CYTIP: variants seen among roughly 807,000 people sequenced by gnomAD.
The protein encoded by CYTIP is cytohesin 1 interacting protein, also known as cytohesin-interacting protein.
In CYTIP, 26 loss-of-function variants were observed where a neutral mutation model predicts 43.8. The observed-to-expected ratio is 0.59, with a 90% confidence interval of 0.44 to 0.82. The LOEUF is 0.82. Among genes scored for constraint, CYTIP ranks in the 40% least tolerant of loss-of-function variants. The probability of loss-of-function intolerance (pLI) is 0.00; values close to 1 mark genes in which losing one functional copy is unlikely to be tolerated. For synonymous variants in CYTIP, 162 were observed against 162.9 expected, an observed-to-expected ratio of 0.99 and a Z score of 0.04; for missense variants, 426 against 443.1, an observed-to-expected ratio of 0.96 and a Z score of 0.35.
At position 157,415,558 on chromosome 2, in the gene CYTIP, A is replaced by G. The variant is rs978307409; in HGVS notation, c.*119T>C. On this transcript the variant is annotated 3_prime_UTR_variant, in exon 8 of 8. Transcript: ENST00000264192. ...CACAACAATTTAAATAAAGGTCACTATTGCTGTGAAATGGGATGTCAGTTT... is the reference window on the plus strand; with the variant it reads ...CACAACAATTTAAATAAAGGTCACTGTTGCTGTGAAATGGGATGTCAGTTT... The G allele has an allele frequency of 1.5e-6, 1 of 669,112 alleles. No individual in the cohort carries two copies. Among genetic ancestry groups the G allele is most frequent in the Non-Finnish European group, 2.6e-6 (1 of 380,176 alleles). The allele number at this position is 669,112 out of a possible 1,614,324, so 41.4% of individuals were successfully genotyped here.
Position 157,429,222 on chromosome 2 carries a change from T to C in CYTIP, c.476+1337A>G, listed in dbSNP as rs1460703494. Among the ~76,000 whole-genome samples, 3 of 152,294 alleles carry C rather than the reference T, an allele frequency of 2.0e-5. No individual in the cohort carries two copies. In the East Asian group the frequency reaches 5.8e-4, roughly 29 times the overall value. ...CCCTCTCTAATCCATCAAATACCAA[T>C]TATACTGTCTTTTTCTCTTTCCCTT... On this transcript the variant is annotated intron_variant, in intron 5 of 7. Transcript: ENST00000264192.
At chr2:157,443,826 G>T (rs776950643) in intron 1 of CYTIP, 21 bp downstream of exon 1, 1 of 1,612,690 alleles carries the variant, frequency 6.2e-7, no homozygotes, top group African/African-American at 1.3e-5. Context: ...CACTCTAAAG[G>T]GTACAAAATA....
intron 6 of CYTIP, among the ~76,000 whole-genome samples, chr2:157,421,517 A>T (rs1298378248): frequency 2.0e-5 from 3 of 152,260 alleles, no homozygotes; most frequent in African/African-American, 7.2e-5. Flanking sequence ...ATTCAATGTA[A>T]CAAAATATTT....
At chr2:157,426,066 C>A (rs1161284781) in intron 6 of CYTIP, among the ~76,000 whole-genome samples, 1 of 151,618 alleles carries the variant, frequency 6.6e-6, no homozygotes, top group Non-Finnish European at 1.5e-5. Context: ...GGGAGTTCAA[C>A]AAAACTGGAT....
chr2:157,433,833 T>C (rs1422573594), intron 3 of CYTIP, among the ~76,000 whole-genome samples: 1 of 152,184 alleles, frequency 6.6e-6, no homozygotes, highest in Admixed American at 6.5e-5. Flanking sequence ...TTATAAAGCA[T>C]TGTCATTAGG....
At chr2:157,432,924 C>T (rs1685735715) in intron 3 of CYTIP, among the ~76,000 whole-genome samples, 1 of 152,152 alleles carries the variant, frequency 6.6e-6, no homozygotes. Flanking sequence ...ACTGAGATAA[C>T]ACCTACATGC....
intron 7 of CYTIP, among the ~76,000 whole-genome samples, chr2:157,418,116 G>A (rs933708238): frequency 6.6e-6 from 1 of 152,180 alleles, no homozygotes; most frequent in African/African-American, 2.4e-5. Flanking sequence ...AAAGACAGGA[G>A]CTCTACCCAA....
chr2:157,442,742 T>C (rs1163271017), intron 1 of CYTIP, among the ~76,000 whole-genome samples: 1 of 152,050 alleles, frequency 6.6e-6, no homozygotes. Context: ...CTCCGAAAAA[T>C]ACCAAGGAAT....
chr2:157,430,391 T>C (rs1414580019), intron 5 of CYTIP, among the ~76,000 whole-genome samples, 168 bp downstream of exon 5: 1 of 152,130 alleles, frequency 6.6e-6, no homozygotes, highest in Non-Finnish European at 1.5e-5. Context: ...GTGTGAGGAA[T>C]CTTGAGAAAC....
chr2:157,420,204 G>A (rs1436012821), intron 6 of CYTIP, among the ~76,000 whole-genome samples: 2 of 152,040 alleles, frequency 1.3e-5, no homozygotes, highest in African/African-American at 4.8e-5. Context: ...TGGGTATGGT[G>A]GTGCACACCA....
chr2:157,442,519 G>A (rs964468944), intron 1 of CYTIP, among the ~76,000 whole-genome samples: 3 of 151,802 alleles, frequency 2.0e-5, no homozygotes, highest in African/African-American at 7.3e-5. Flanking sequence ...ACCATAGTTG[G>A]TGTGATAGTG....
intron 6 of CYTIP, among the ~76,000 whole-genome samples, chr2:157,422,531 G>A (rs748387264): frequency 1.1e-4 from 16 of 151,842 alleles, no homozygotes; most frequent in Non-Finnish European, 2.1e-4. Context: ...TTAGCCAGGC[G>A]TGGTGGCAGG....
At chr2:157,422,589 G>C (rs911308983) in intron 6 of CYTIP, among the ~76,000 whole-genome samples, 13 of 150,736 alleles carry the variant, frequency 8.6e-5, no homozygotes, top group Non-Finnish European at 1.9e-4. Context: ...AGAATCCCTT[G>C]AACCCGGGAG....
chr2:157,429,920 G>A (rs1382349510), intron 5 of CYTIP, among the ~76,000 whole-genome samples: 2 of 151,964 alleles, frequency 1.3e-5, no homozygotes, highest in Non-Finnish European at 2.9e-5. Context: ...CTACTAGGGA[G>A]GCTGAGGCAG....
rs750876758 is a variant in CYTIP, at chr2:157,415,683, G to T, written c.1074C>A (p.Arg358=). The T allele has an allele frequency of 6.2e-7, 1 of 1,602,196 alleles. No homozygotes were observed. Among genetic ancestry groups the T allele is most frequent in the Non-Finnish European group, 8.5e-7 (1 of 1,172,154 alleles). The change falls in exon 8 of 8, where the codon CGC becomes CGA. Residue 358 remains arginine, a synonymous_variant. Coordinates refer to ENST00000264192, the MANE Select transcript of CYTIP (RefSeq NM_004288.5). ...LHRAVEEEES[R]F Reference sequence around the variant, plus strand: ...GAAAGGACACCACAATCCGTCAAAAGCGACTTTCTTCCTCTTCCACAGCAC... The same window carrying T: ...GAAAGGACACCACAATCCGTCAAAATCGACTTTCTTCCTCTTCCACAGCAC...
chr2:157,423,495 C>A (rs1272867464), intron 6 of CYTIP, among the ~76,000 whole-genome samples: 1 of 126,196 alleles, frequency 7.9e-6, no homozygotes, highest in African/African-American at 2.6e-5. Flanking sequence ...TGAGTAGTCT[C>A]ACAACTAATA....
chr2:157,438,693 CA>C (rs1685854777), intron 1 of CYTIP, among the ~76,000 whole-genome samples: 1 of 150,214 alleles, frequency 6.7e-6, no homozygotes. Flanking sequence ...TTTTAAAAAC[CA>C]AAAAATTTTA....
intron 7 of CYTIP, among the ~76,000 whole-genome samples, chr2:157,416,431 T>A (rs188239695): frequency 6.6e-6 from 1 of 152,146 alleles, no homozygotes; most frequent in Non-Finnish European, 1.5e-5. Context: ...TTCAGCCCAA[T>A]TGACAGTCTA....
intron 6 of CYTIP, 147 bp from the exon 7 acceptor site, chr2:157,418,736 T>G: frequency 1.5e-6 from 1 of 654,646 alleles, no homozygotes; most frequent in South Asian, 3.1e-5. Context: ...ATTTAAAATA[T>G]TTTTGCTGTA....
Sources: allele counts gnomAD v4.1 joint callset (sites outside exome capture counted in the v4.1 genomes callset), GRCh38; gene constraint gnomAD v4.1.1; transcripts MANE v1.5; gene names NCBI Gene and HGNC (gene_info 2026-07-23, HGNC 2026-07-21).